NKAIN2: variants seen among roughly 807,000 people sequenced by gnomAD.
NKAIN2 encodes sodium/potassium-transporting ATPase subunit beta-1-interacting protein 2.
Under a neutral mutation model 32.6 loss-of-function variants are expected in NKAIN2, and 14 were observed. That is an observed-to-expected ratio of 0.43 (90% CI 0.28 to 0.67). The LOEUF is 0.67. Among genes scored for constraint, NKAIN2 ranks in the 30% least tolerant of loss-of-function variants. The probability of loss-of-function intolerance (pLI) is 0.17; values close to 1 mark genes in which losing one functional copy is unlikely to be tolerated. For synonymous variants in NKAIN2, 80 were observed against 87.2 expected (o/e 0.92, Z 0.46); for missense variants, 198 against 258.3 (o/e 0.77, Z 1.60).
chr6:124,487,423 T>C (rs1168520079), intron 3 of NKAIN2, among the ~76,000 whole-genome samples: 1 of 152,166 alleles, frequency 6.6e-6, no homozygotes, highest in Non-Finnish European at 1.5e-5. Flanking sequence ...TCCTAAAATT[T>C]CAACAGCTTA....
At chr6:124,198,690 C>G (rs1334794294) in intron 1 of NKAIN2, among the ~76,000 whole-genome samples, 1 of 151,964 alleles carries the variant, frequency 6.6e-6, no homozygotes, top group Non-Finnish European at 1.5e-5. Context: ...AGGAATTGCA[C>G]AGTATTTTGT....
At position 124,458,020 on chromosome 6, in the gene NKAIN2, TTA is replaced by T. The variant is rs1442461765; in HGVS notation, c.273+102675_273+102676del. 2.6e-5 allele frequency among the ~76,000 whole-genome samples: 4 copies of T among 151,994 alleles called. No individual in the cohort carries two copies. The East Asian group carries it at 5.8e-4, about 22-fold the overall frequency. ...ACTATCTTCACAGTGTAAGAAGTAT[TTA>T]TGTTTTGAATCCTGATAGCCTCTAA... On this transcript the variant is annotated intron_variant, in intron 3 of 6. Transcript: ENST00000368417.
In NKAIN2 at chr6:124,451,242, G is replaced by A. The variant is rs113247695; in HGVS notation, c.273+95895G>A. Reference sequence around the variant, plus strand: ...TTAGGCCCATTGATTTTTATTACTGGCAATGTTGTTTTAATAACATACCAC... The same window carrying A: ...TTAGGCCCATTGATTTTTATTACTGACAATGTTGTTTTAATAACATACCAC... On this transcript the variant is annotated intron_variant, in intron 3 of 6. Coordinates refer to ENST00000368417, the MANE Select transcript of NKAIN2 (RefSeq NM_001040214.3). Among the ~76,000 whole-genome samples, 503 of 152,008 alleles carry A rather than the reference G, an allele frequency of 3.3e-3. 5 individuals are homozygous for A. Among genetic ancestry groups the A allele is most frequent in the African/African-American group, 0.011 (472 of 41,460 alleles).
intron 1 of NKAIN2, among the ~76,000 whole-genome samples, chr6:124,260,500 C>T (rs1421394400): frequency 6.6e-6 from 1 of 152,116 alleles, no homozygotes; most frequent in Admixed American, 6.6e-5. Context: ...CAGGATGGAA[C>T]ATGTAAAAGC....
intron 1 of NKAIN2, among the ~76,000 whole-genome samples, chr6:123,936,370 C>T (rs1470178770): frequency 3.9e-5 from 6 of 152,034 alleles, no homozygotes; most frequent in Non-Finnish European, 8.8e-5. Flanking sequence ...TTAATTACTC[C>T]TATTATTGCT....
At chr6:123,930,068 GTGT>G (rs1161768237) in intron 1 of NKAIN2, among the ~76,000 whole-genome samples, 1 of 152,024 alleles carries the variant, frequency 6.6e-6, no homozygotes. Flanking sequence ...TACAATGTTG[GTGT>G]TGTACAATGT....
At chr6:123,929,798 G>T (rs958092083) in intron 1 of NKAIN2, among the ~76,000 whole-genome samples, 3 of 151,886 alleles carry the variant, frequency 2.0e-5, no homozygotes, top group Non-Finnish European at 4.4e-5. Context: ...ATTTTTTTAG[G>T]GGAATGTTTG....
chr6:124,150,249 AT>A (rs1426118210), intron 1 of NKAIN2, among the ~76,000 whole-genome samples: 1 of 151,998 alleles, frequency 6.6e-6, no homozygotes, highest in Admixed American at 6.6e-5. Context: ...TGTCAGAAAT[AT>A]TTTTTAATCA....
At chr6:124,163,041 T>A (rs1788354081) in intron 1 of NKAIN2, among the ~76,000 whole-genome samples, 1 of 152,106 alleles carries the variant, frequency 6.6e-6, no homozygotes, top group Non-Finnish European at 1.5e-5. Flanking sequence ...GAAAAGTTTA[T>A]CATATTTATA....
intron 1 of NKAIN2, among the ~76,000 whole-genome samples, chr6:124,133,891 A>C (rs193245491): frequency 1.3e-5 from 2 of 152,282 alleles, no homozygotes; most frequent in Non-Finnish European, 2.9e-5. Context: ...ATTAAAAATA[A>C]ATTCAAGAAC....
intron 1 of NKAIN2, among the ~76,000 whole-genome samples, chr6:124,008,097 A>C (rs1340918626): frequency 1.3e-5 from 2 of 152,160 alleles, no homozygotes; most frequent in Non-Finnish European, 2.9e-5. Flanking sequence ...AGGAGGAGTC[A>C]GGCCAGGGCA....
chr6:124,490,672 G>A (rs866060756), intron 3 of NKAIN2, among the ~76,000 whole-genome samples: 2 of 151,614 alleles, frequency 1.3e-5, no homozygotes, highest in Non-Finnish European at 3.0e-5. Context: ...TATCAGGCAG[G>A]AGTCTACTTA....
intron 3 of NKAIN2, among the ~76,000 whole-genome samples, chr6:124,502,143 G>A (rs1449759785): frequency 6.6e-6 from 1 of 151,898 alleles, no homozygotes; most frequent in African/African-American, 2.4e-5. Context: ...TGGGAAGATA[G>A]GGATAATGCA....
At chr6:124,334,754 G>T (rs1797800616) in intron 2 of NKAIN2, among the ~76,000 whole-genome samples, 1 of 152,174 alleles carries the variant, frequency 6.6e-6, no homozygotes, top group Admixed American at 6.5e-5. Flanking sequence ...CTAATTTGTG[G>T]CTAATTTGTT....
At chr6:124,337,230 C>T (rs921851090) in intron 2 of NKAIN2, among the ~76,000 whole-genome samples, 1 of 152,162 alleles carries the variant, frequency 6.6e-6, no homozygotes, top group Non-Finnish European at 1.5e-5. Flanking sequence ...GGTGTGGTGG[C>T]TCACGCCTGT....
intron 1 of NKAIN2, among the ~76,000 whole-genome samples, chr6:123,923,360 T>G (rs1425647732): frequency 6.6e-6 from 1 of 152,152 alleles, no homozygotes; most frequent in African/African-American, 2.4e-5. Context: ...TAAGCTTTTT[T>G]TTTTTGGCAG....
rs115201155 is a variant in NKAIN2, at chr6:124,298,567, T to G, written c.192+15425T>G. On this transcript the variant is annotated intron_variant, in intron 2 of 6. Coordinates refer to ENST00000368417, the MANE Select transcript of NKAIN2 (RefSeq NM_001040214.3). ...TGTCAACAGCTCTATTTATTTGGGA[T>G]TATTTTTGTGGGTTATTGTCTACAC... Among the ~76,000 whole-genome samples, 475 of 152,202 alleles carry G rather than the reference T, an allele frequency of 3.1e-3. 4 individuals are homozygous for G. The highest frequency in any genetic ancestry group is 0.011 in the African/African-American group (462 of 41,548).
At chr6:124,625,529 T>C (rs1783285700) in intron 3 of NKAIN2, among the ~76,000 whole-genome samples, 2 of 152,206 alleles carry the variant, frequency 1.3e-5, no homozygotes, top group African/African-American at 2.4e-5. Flanking sequence ...AGGTGGGATA[T>C]AGCAATTAGT....
At chr6:124,686,454 AG>A (rs1179892875) in intron 4 of NKAIN2, among the ~76,000 whole-genome samples, 3 of 152,076 alleles carry the variant, frequency 2.0e-5, no homozygotes, top group African/African-American at 7.2e-5. Context: ...CCAGAGCAGG[AG>A]GAAAGGGGAG....
Sources: gnomAD v4.1 joint callset for allele counts (sites outside exome capture counted in the v4.1 genomes callset) on GRCh38, gnomAD v4.1.1 for gene constraint, MANE v1.5 for transcripts, NCBI Gene and HGNC (gene_info 2026-07-23, HGNC 2026-07-21) for gene names.